The following ABTB3 variants were observed in gnomAD, a reference collection of about 807,000 sequenced individuals.
ABTB3 encodes ankyrin repeat and BTB domain containing 3.
chr12:107,520,396 G>A, the ABTB3 span: 2 of 1,521,928 alleles, frequency 1.3e-6, no homozygotes. Context: ...GGCGTGGTTT[G>A]AGGTTGTGCA....
the ABTB3 span, among the ~76,000 whole-genome samples, chr12:107,574,175 T>C: frequency 1.3e-5 from 2 of 152,208 alleles, no homozygotes; most frequent in African/African-American, 2.4e-5. Flanking sequence ...CTCCAGGCAC[T>C]AGCTTTTCCC....
chr12:107,343,835 CT>C, the ABTB3 span, among the ~76,000 whole-genome samples: 1 of 152,184 alleles, frequency 6.6e-6, no homozygotes, highest in Non-Finnish European at 1.5e-5. Flanking sequence ...AAAAGTGCCA[CT>C]TTTAAAACCA....
the ABTB3 span, among the ~76,000 whole-genome samples, chr12:107,639,988 T>A: frequency 6.6e-6 from 1 of 152,186 alleles, no homozygotes; most frequent in African/African-American, 2.4e-5. Context: ...GGGAGGGCGC[T>A]GAGCCCTGAG....
the ABTB3 span, among the ~76,000 whole-genome samples, chr12:107,544,878 C>A: frequency 6.6e-6 from 1 of 152,298 alleles, no homozygotes; most frequent in African/African-American, 2.4e-5. Flanking sequence ...GCTGGGGATC[C>A]TTGGGAAAGG....
chr12:107,512,433 G>A, the ABTB3 span, among the ~76,000 whole-genome samples: 2 of 152,224 alleles, frequency 1.3e-5, no homozygotes, highest in Non-Finnish European at 2.9e-5. Flanking sequence ...GGGGCAAATT[G>A]TAAAGGTTTT....
At chr12:107,542,078 G>A in the ABTB3 span, among the ~76,000 whole-genome samples, 6 of 152,108 alleles carry the variant, frequency 3.9e-5, no homozygotes. Context: ...GGGAGGCCAA[G>A]GCGGGCGGAT....
the ABTB3 span, among the ~76,000 whole-genome samples, chr12:107,330,460 A>T: frequency 6.6e-6 from 1 of 152,128 alleles, no homozygotes; most frequent in Non-Finnish European, 1.5e-5. Context: ...TAAGTAGAGA[A>T]CTCAATTTAA....
At chr12:107,509,647 A>G in the ABTB3 span, among the ~76,000 whole-genome samples, 7 of 152,184 alleles carry the variant, frequency 4.6e-5, no homozygotes, top group Non-Finnish European at 1.0e-4. Flanking sequence ...ACACTTCCCA[A>G]AGGAGCTCAT....
chr12:107,490,705 C>T, the ABTB3 span, among the ~76,000 whole-genome samples: 1 of 152,130 alleles, frequency 6.6e-6, no homozygotes, highest in African/African-American at 2.4e-5. Context: ...AGAGGCCAGG[C>T]AGGTAGTGTT....
the ABTB3 span, among the ~76,000 whole-genome samples, chr12:107,365,142 G>T: frequency 6.6e-6 from 1 of 152,154 alleles, no homozygotes; most frequent in Non-Finnish European, 1.5e-5. Context: ...TCTTAGACTC[G>T]GTGACTTCAC....
At chr12:107,324,826 G>C in the ABTB3 span, among the ~76,000 whole-genome samples, 1 of 152,188 alleles carries the variant, frequency 6.6e-6, no homozygotes, top group Non-Finnish European at 1.5e-5. Flanking sequence ...AGTATGGAAT[G>C]ATGAAAAGGA....
At chr12:107,568,990 A>G in the ABTB3 span, among the ~76,000 whole-genome samples, 1 of 152,220 alleles carries the variant, frequency 6.6e-6, no homozygotes, top group Non-Finnish European at 1.5e-5. Flanking sequence ...CTGATTGATC[A>G]GGGCTGAAGC....
At chr12:107,534,882 A>G in the ABTB3 span, among the ~76,000 whole-genome samples, 4 of 152,098 alleles carry the variant, frequency 2.6e-5, no homozygotes, top group African/African-American at 7.2e-5. Flanking sequence ...ATTAACACCA[A>G]TTTTTCTCGA....
the ABTB3 span, among the ~76,000 whole-genome samples, chr12:107,639,183 G>C: frequency 6.6e-6 from 1 of 152,218 alleles, no homozygotes; most frequent in Non-Finnish European, 1.5e-5. Flanking sequence ...AGAGCACGTA[G>C]CACTCATGGG....
chr12:107,567,822 T>C, the ABTB3 span, among the ~76,000 whole-genome samples: 3 of 152,168 alleles, frequency 2.0e-5, no homozygotes, highest in African/African-American at 7.2e-5. Flanking sequence ...GTGGAACAGT[T>C]TTATCCCAAA....
the ABTB3 span, among the ~76,000 whole-genome samples, chr12:107,480,463 T>C: frequency 5.3e-5 from 8 of 152,142 alleles, no homozygotes. Context: ...TTCCCAGTGT[T>C]CCAGAAGCAA....
the ABTB3 span, among the ~76,000 whole-genome samples, chr12:107,558,515 C>T: frequency 6.6e-6 from 1 of 152,074 alleles, no homozygotes; most frequent in African/African-American, 2.4e-5. Context: ...GTCATGGGGG[C>T]CTTTGATCCT....
the ABTB3 span, among the ~76,000 whole-genome samples, chr12:107,431,469 C>T: frequency 6.6e-6 from 1 of 152,032 alleles, no homozygotes; most frequent in African/African-American, 2.4e-5. Context: ...ATTAGCCGGG[C>T]GTGGTGGCGC....
chr12:107,657,051 C>A, the ABTB3 span, among the ~76,000 whole-genome samples: 1 of 151,586 alleles, frequency 6.6e-6, no homozygotes. Flanking sequence ...TCAAAAAAAA[C>A]AAAAAAAAGA....
Sources: gnomAD v4.1 joint callset for allele counts (sites outside exome capture counted in the v4.1 genomes callset) on GRCh38, gnomAD v4.1.1 for gene constraint, MANE v1.5 for transcripts, NCBI Gene and HGNC (gene_info 2026-07-23, HGNC 2026-07-21) for gene names.